Variants in TP73 observed in about 807,000 individuals in gnomAD.
TP73 encodes tumor protein p73.
TP73 carries 25 observed loss-of-function variants against 62.5 expected under a neutral mutation model. The ratio of observed to expected loss-of-function variants is 0.40; its 90% CI spans 0.29 to 0.56. The LOEUF is 0.56. Among genes scored for constraint, TP73 ranks in the 20% least tolerant of loss-of-function variants. TP73 has a pLI of 0.46. For missense variants in TP73, 754 were observed against 913.3 expected (o/e 0.83, Z 2.25); for synonymous variants, 423 against 377.5 (o/e 1.12, Z -1.40).
chr1:3,677,939 A>G (rs1166514555), intron 1 of TP73, among the ~76,000 whole-genome samples: 3 of 152,126 alleles, frequency 2.0e-5, no homozygotes, highest in Admixed American at 6.5e-5. Flanking sequence ...CCTTGGGCTC[A>G]AGTAATCCTC....
At chr1:3,720,895 C>T (rs12731705) in intron 4 of TP73, among the ~76,000 whole-genome samples, 55,466 of 152,174 alleles carry the variant, frequency 0.36, 11,051 homozygotes, top group Middle Eastern at 0.53. Context: ...AACTGTTCCA[C>T]GGTGGAGTGC....
intron 1 of TP73, among the ~76,000 whole-genome samples, chr1:3,679,919 CTCTA>C (rs1320656678): frequency 2.6e-5 from 4 of 151,674 alleles, no homozygotes; most frequent in Non-Finnish European, 4.4e-5. Context: ...TCCTGTCTCT[CTCTA>C]TCTCTTTCCC....
In TP73 at chr1:3,729,410, G is replaced by T; in HGVS notation, c.1158G>T (p.Val386=). The part of the protein sequence containing the change: ...ELMELVPQPL[V]DSYRQQQQLL... ...TGGAGTTGGTGCCGCAGCCACTGGT[G>T]GACTCCTATCGGCAGCAGCAGCAGC... The change falls in exon 10 of 14, where the codon GTG becomes GTT. Residue 386 remains valine, a synonymous_variant. Transcript: ENST00000378295. 1 of 1,613,124 alleles carries T rather than the reference G, an allele frequency of 6.2e-7. No individual in the cohort carries two copies. The highest frequency in any genetic ancestry group is 1.1e-5 in the South Asian group (1 of 91,080).
chr1:3,715,015 GT>G (rs1640476531), intron 4 of TP73, among the ~76,000 whole-genome samples: 1 of 152,222 alleles, frequency 6.6e-6, no homozygotes, highest in Admixed American at 6.5e-5. Flanking sequence ...CGGCGACCGG[GT>G]GGGGACTGGG....
intron 1 of TP73, among the ~76,000 whole-genome samples, chr1:3,656,664 G>T (rs572252643): frequency 9.1e-4 from 138 of 152,316 alleles, no homozygotes; most frequent in African/African-American, 3.3e-3. Context: ...TGGGACTGGG[G>T]CTGCCAAACC....
intron 13 of TP73, 61 bp from the exon 14 acceptor site, chr1:3,732,686 C>A: frequency 6.9e-7 from 1 of 1,448,190 alleles, no homozygotes; most frequent in South Asian, 1.4e-5. Context: ...AGGCCCAGGG[C>A]GACCCCCCCT....
intron 1 of TP73, among the ~76,000 whole-genome samples, chr1:3,674,845 C>T (rs1437731922): frequency 6.6e-6 from 1 of 152,210 alleles, no homozygotes; most frequent in African/African-American, 2.4e-5. Context: ...CTGGGAGAGC[C>T]GCTGTCTCAC....
chr1:3,657,858 T>A (rs886513279), intron 1 of TP73, among the ~76,000 whole-genome samples: 2 of 152,182 alleles, frequency 1.3e-5, no homozygotes, highest in Non-Finnish European at 2.9e-5. Context: ...CAGCAGCTCC[T>A]CTACCTGGGG....
intron 4 of TP73, among the ~76,000 whole-genome samples, chr1:3,718,878 C>T (rs1390310748): frequency 6.6e-6 from 1 of 151,924 alleles, no homozygotes; most frequent in East Asian, 1.9e-4. Flanking sequence ...TCCAGCCCCC[C>T]GCAACCAACA....
chr1:3,667,623 G>C (rs553639408), intron 1 of TP73, among the ~76,000 whole-genome samples: 90 of 152,110 alleles, frequency 5.9e-4, no homozygotes, highest in Non-Finnish European at 1.0e-3. Context: ...GGTGGCACGT[G>C]CCTGTAGTCC....
At chr1:3,658,113 G>A (rs1049413006) in intron 1 of TP73, among the ~76,000 whole-genome samples, 3 of 152,212 alleles carry the variant, frequency 2.0e-5, no homozygotes, top group Non-Finnish European at 4.4e-5. Flanking sequence ...TGGCAGGAAG[G>A]GCCCTGCTGG....
At chr1:3,668,147 G>A (rs958845355) in intron 1 of TP73, among the ~76,000 whole-genome samples, 1 of 152,226 alleles carries the variant, frequency 6.6e-6, no homozygotes, top group Non-Finnish European at 1.5e-5. Context: ...TATGAACTAG[G>A]GGTGGGGGAG....
At chr1:3,732,318 A>T (rs1185947645) in intron 13 of TP73, among the ~76,000 whole-genome samples, 2 of 152,148 alleles carry the variant, frequency 1.3e-5, no homozygotes, top group Non-Finnish European at 2.9e-5. Context: ...CCTCCCCGCA[A>T]CCTGTCCCCA....
At chr1:3,657,045 G>A (rs969028541) in intron 1 of TP73, among the ~76,000 whole-genome samples, 1 of 152,226 alleles carries the variant, frequency 6.6e-6, no homozygotes, top group Non-Finnish European at 1.5e-5. Flanking sequence ...CTTAATGTAT[G>A]AACAAAGAAG....
intron 3 of TP73, among the ~76,000 whole-genome samples, chr1:3,684,531 G>T (rs1557507718): frequency 6.6e-6 from 1 of 152,222 alleles, no homozygotes; most frequent in Admixed American, 6.5e-5. Context: ...TGGAGGGAGT[G>T]GGGGCTGTGG....
At chr1:3,655,472 G>A (rs1465710010) in intron 1 of TP73, among the ~76,000 whole-genome samples, 5 of 152,232 alleles carry the variant, frequency 3.3e-5, no homozygotes, top group Admixed American at 1.3e-4. Flanking sequence ...CCAGTGTGGG[G>A]AGGGCTAAGG....
intron 4 of TP73, among the ~76,000 whole-genome samples, chr1:3,717,109 C>T (rs191296306): frequency 5.9e-5 from 9 of 152,386 alleles, no homozygotes; most frequent in Admixed American, 4.6e-4. Flanking sequence ...AGATGCTACA[C>T]GTCCCAGGAA....
At chr1:3,714,984 G>A (rs1227044684) in intron 4 of TP73, among the ~76,000 whole-genome samples, 1 of 152,220 alleles carries the variant, frequency 6.6e-6, no homozygotes, top group African/African-American at 2.4e-5. Flanking sequence ...ACCCGCACGC[G>A]GTCTCAGTGA....
intron 1 of TP73, among the ~76,000 whole-genome samples, chr1:3,656,404 C>T (rs552189902): frequency 8.5e-5 from 13 of 152,206 alleles, no homozygotes; most frequent in Admixed American, 4.6e-4. Context: ...AAAGATAATC[C>T]AGCCCAACTC....
Sources: allele counts gnomAD v4.1 joint callset (sites outside exome capture counted in the v4.1 genomes callset), GRCh38; gene constraint gnomAD v4.1.1; transcripts MANE v1.5; gene names NCBI Gene and HGNC (gene_info 2026-07-23, HGNC 2026-07-21).